LRRC59: variants seen among roughly 807,000 people sequenced by gnomAD.
The protein encoded by LRRC59 is leucine-rich repeat-containing protein 59.
A neutral mutation model predicts 33.5 loss-of-function variants in LRRC59; 18 were observed. The ratio of observed to expected loss-of-function variants is 0.54; its 90% confidence interval spans 0.37 to 0.80. The LOEUF (loss-of-function observed/expected upper bound fraction) is 0.80, where lower values mean the gene tolerates loss of function less well. Among genes scored for constraint, LRRC59 ranks in the 30% least tolerant of loss-of-function variants. LRRC59 has a pLI of 0.00. For synonymous variants in LRRC59, 138 were observed against 160.0 expected, an observed-to-expected ratio of 0.86 and a Z score of 1.04; for missense variants, 330 against 391.9, an observed-to-expected ratio of 0.84 and a Z score of 1.33.
intron 1 of LRRC59, chr17:50,396,868 A>G (rs2056490921): frequency 5.5e-6 from 2 of 366,638 alleles, no homozygotes; most frequent in Non-Finnish European, 9.7e-6. Context: ...TTCATTCTCG[A>G]ATACATCCAG....
rs1481572090 is a variant in LRRC59 at position 50,382,576 on chromosome 17, C to G, written c.*412G>C. ...GTGGTGTTCTAGTCCCCCCCAGTTC[C>G]TCCTGATCTACCCTGATTCCCAGGG... On this transcript the variant is annotated 3_prime_UTR_variant, in exon 7 of 7. Coordinates refer to ENST00000225972, the MANE Select transcript of LRRC59 (RefSeq NM_018509.4). 1.1e-5 allele frequency: 2 copies of G among 187,886 alleles called. No individual in the cohort carries two copies. The highest frequency in any genetic ancestry group is 4.7e-5 in the African/African-American group (2 of 42,478). 11.6% of individuals were successfully genotyped at this position (187,886 alleles called of 1,614,324 possible). A position where few individuals can be genotyped will look rare whatever the true frequency, so the allele number is the denominator to read the frequency against.
Position 50,397,473 on chromosome 17 carries a change from C to A in LRRC59, c.-156G>T. 3.8e-6 allele frequency: 2 copies of A among 532,588 alleles called. No homozygotes were observed. The highest frequency in any genetic ancestry group is 2.4e-5 in the South Asian group (1 of 42,040). The allele number at this position is 532,588 out of a possible 1,614,324, so 33.0% of individuals were successfully genotyped here. A position where few individuals can be genotyped will look rare whatever the true frequency, so the allele number is the denominator to read the frequency against. ...ACCGCCTCCGCCCGCTGGCCGCACT[C>A]CGAGCCTCGCGCCTAGCTCCCACCG... On this transcript the variant is annotated 5_prime_UTR_variant, in exon 1 of 7. Transcript: ENST00000225972.
Position 50,385,053 on chromosome 17 carries a change from T to C in LRRC59, c.676+65A>G. The stretch of plus-strand genomic sequence containing the variant: ...CAGGCCTGCTCACCCCAGTTGTCTA[T>C]GCCTGGAAACATGAGTGTCTCCACT... On this transcript the variant is annotated intron_variant, in intron 6 of 6. Transcript: ENST00000225972. 2.6e-6 allele frequency: 4 copies of C among 1,552,450 alleles called. No homozygotes were observed. The South Asian group carries it at 3.6e-5, about 14-fold the overall frequency.
intron 5 of LRRC59, among the ~76,000 whole-genome samples, chr17:50,385,657 G>A (rs2143355861): frequency 6.6e-6 from 1 of 152,262 alleles, no homozygotes; most frequent in East Asian, 1.9e-4. Flanking sequence ...GCTATGAAGA[G>A]AAAAAACCAT....
At position 50,385,288 on chromosome 17, in the gene LRRC59, G is replaced by C. The variant is rs1376383040; in HGVS notation, c.506C>G (p.Ala169Gly). Residue 169 changes from alanine to glycine, a missense_variant, in exon 6 of 7, where the codon GCA (alanine) becomes GGA (glycine). Coordinates refer to ENST00000225972, the MANE Select transcript of LRRC59 (RefSeq NM_018509.4). The stretch of plus-strand genomic sequence containing the variant: ...CTGCTTAGCCTCACGCTTCTTCTCT[G>C]CCTCTACAACAAAACATACCAAAAT... Reference protein sequence around the residue: ...RQRRLEVEREAEKKREAKQRA... With the variant: ...RQRRLEVEREGEKKREAKQRA... 5 of 1,613,048 alleles carry C rather than the reference G, an allele frequency of 3.1e-6. No homozygotes were observed. The South Asian group carries it at 4.4e-5, about 14-fold the overall frequency.
chr17:50,390,111 A>AAAAG (rs1555601229), intron 4 of LRRC59, among the ~76,000 whole-genome samples: 1 of 150,108 alleles, frequency 6.7e-6, no homozygotes, highest in African/African-American at 2.4e-5. Context: ...AAAAAAAAAA[A>AAAAG]AAAAAGAAAA....
chr17:50,383,399 A>C (rs1184286261), intron 6 of LRRC59, among the ~76,000 whole-genome samples, 164 bp from the exon 7 acceptor site: 2 of 152,126 alleles, frequency 1.3e-5, no homozygotes, highest in African/African-American at 4.8e-5. Context: ...CGAAACAGAA[A>C]CAACTTTTCC....
At chr17:50,396,483 G>C (rs1280136710) in intron 1 of LRRC59, 1 of 152,312 alleles carries the variant, frequency 6.6e-6, no homozygotes, top group Non-Finnish European at 1.5e-5. Context: ...ACGGCAGAAA[G>C]CAAAGTGTGG....
chr17:50,381,302 G>C lies in LRRC59; in HGVS notation c.*1686C>G. The stretch of plus-strand genomic sequence containing the variant: ...AGAATTAGCATCAAATCTTGAAGTC[G>C]TGAGTGAAGCTGCGGGTTGGCTTGA... On this transcript the variant is annotated 3_prime_UTR_variant, in exon 7 of 7. Transcript: ENST00000225972. 4.4e-6 allele frequency: 1 copy of C among 227,878 alleles called. No homozygotes were observed. The highest frequency in any genetic ancestry group is 7.7e-5 in the South Asian group (1 of 12,924). The allele number at this position is 227,878 out of a possible 1,614,324, so 14.1% of individuals were successfully genotyped here. A position where few individuals can be genotyped will look rare whatever the true frequency, so the allele number is the denominator to read the frequency against.
At position 50,382,604 on chromosome 17, in the gene LRRC59, G is replaced by A. The variant is rs1461251190; in HGVS notation, c.*384C>T. 3 of 212,684 alleles carry A rather than the reference G, an allele frequency of 1.4e-5. No homozygotes were observed. The East Asian group carries it at 3.6e-4, about 25-fold the overall frequency. 13.2% of individuals were successfully genotyped at this position (212,684 alleles called of 1,614,324 possible). A position where few individuals can be genotyped will look rare whatever the true frequency, so the allele number is the denominator to read the frequency against. ...CTGATCTACCCTGATTCCCAGGGAG[G>A]AATGAAAGGGTTTGTGGCATACAAA... On this transcript the variant is annotated 3_prime_UTR_variant, in exon 7 of 7. Coordinates refer to ENST00000225972, the MANE Select transcript of LRRC59 (RefSeq NM_018509.4).
chr17:50,391,289 T>C (rs1914137124), intron 4 of LRRC59, among the ~76,000 whole-genome samples: 1 of 152,210 alleles, frequency 6.6e-6, no homozygotes, highest in Non-Finnish European at 1.5e-5. Context: ...TTGTGCTTGA[T>C]TTGTTGTAAT....
At chr17:50,384,713 C>T (rs1017374977) in intron 6 of LRRC59, among the ~76,000 whole-genome samples, 2 of 148,060 alleles carry the variant, frequency 1.4e-5, no homozygotes, top group Non-Finnish European at 3.0e-5. Flanking sequence ...TGCAGTGAGC[C>T]GAGATCACGC....
rs137985988 is a variant in LRRC59, at chr17:50,383,038, G to A, written c.874C>T (p.Arg292Cys). The change falls in exon 7 of 7, where the codon CGC (arginine) becomes TGC (cysteine). Residue 292 changes from arginine to cysteine, a missense_variant. Physicochemically the swap from Arg to Cys is radical, Grantham distance 180 (BLOSUM62 -3). Transcript: ENST00000225972. ...ACCCACTGGAGGATCTCATGGCGGC[G>A]TAGACCCTGGACCGCATTGTCATAG... is the stretch of plus-strand genomic sequence containing the variant. Reference protein sequence around the residue: ...TIYDNAVQGLRRHEILQWVLQ... With the variant: ...TIYDNAVQGLCRHEILQWVLQ... The A allele has an allele frequency of 8.7e-5, 140 of 1,612,946 alleles. No homozygotes were observed. The African/African-American group carries it at 1.3e-3, about 14-fold the overall frequency.
At chr17:50,383,369 G>T in intron 6 of LRRC59, 134 bp from the exon 7 acceptor site, 1 of 1,184,532 alleles carries the variant, frequency 8.4e-7, no homozygotes, top group Non-Finnish European at 1.1e-6. Context: ...GCCCTGAAGA[G>T]AAAAAATGTC....
chr17:50,383,569 G>A (rs1329487831), intron 6 of LRRC59, among the ~76,000 whole-genome samples: 6 of 152,114 alleles, frequency 3.9e-5, no homozygotes, highest in Non-Finnish European at 8.8e-5. Context: ...AGCGCTGACA[G>A]AGTACTGTCC....
At position 50,397,248 on chromosome 17, in the gene LRRC59, G is replaced by A; in HGVS notation, c.70C>T (p.Leu24Phe). 1.9e-6 allele frequency: 3 copies of A among 1,607,574 alleles called. No homozygotes were observed. The highest frequency in any genetic ancestry group is 1.1e-5 in the South Asian group (1 of 90,080). ...ACCGGGACCTCATTCAGGTCGCTGA[G>A]GCTCAGGTCCAGTTCGTTGCCGTCC... Reference protein sequence around the residue: ...KLDGNELDLSLSDLNEVPVKE... With the variant: ...KLDGNELDLSFSDLNEVPVKE... Residue 24 changes from leucine to phenylalanine, a missense_variant, in exon 1 of 7, where the codon CTC becomes TTC. By Grantham distance (22) the Leu-to-Phe change is conservative. Coordinates refer to ENST00000225972, the MANE Select transcript of LRRC59 (RefSeq NM_018509.4).
At position 50,385,196 on chromosome 17, in the gene LRRC59, T is replaced by C; in HGVS notation, c.598A>G (p.Arg200Gly). ...REKAEEKERRRKEYDALKAAK... is the reference protein window; with the variant it reads ...REKAEEKERRGKEYDALKAAK... ...GCTTTGAGGGCATCATACTCCTTTC[T>C]CCGGCGCTCCTTCTCTTCCGCCTTC... is the stretch of plus-strand genomic sequence containing the variant. The change falls in exon 6 of 7, where the codon AGA (arginine) becomes GGA (glycine). Residue 200 changes from arginine to glycine, a missense_variant. Arg to Gly is a moderately radical substitution (Grantham distance 125). Transcript: ENST00000225972. 6.2e-7 allele frequency: 1 copy of C among 1,614,194 alleles called. No homozygotes were observed. The highest frequency in any genetic ancestry group is 8.5e-7 in the Non-Finnish European group (1 of 1,180,038).
At chr17:50,383,336 T>C (rs1285917372) in intron 6 of LRRC59, 101 bp from the exon 7 acceptor site, 6 of 1,403,426 alleles carry the variant, frequency 4.3e-6, no homozygotes, top group Admixed American at 2.7e-5. Flanking sequence ...CCTACATTCC[T>C]TCCTCAAGCA....
At chr17:50,395,459 G>T (rs916242510) in intron 1 of LRRC59, among the ~76,000 whole-genome samples, 1 of 152,002 alleles carries the variant, frequency 6.6e-6, no homozygotes, top group South Asian at 2.1e-4. Context: ...ATTACCCAGC[G>T]TCCCTCTTAT....
Sources: gnomAD v4.1 joint callset for allele counts (sites outside exome capture counted in the v4.1 genomes callset) on GRCh38, gnomAD v4.1.1 for gene constraint, MANE v1.5 for transcripts, NCBI Gene and HGNC (gene_info 2026-07-23, HGNC 2026-07-21) for gene names.